KCNJ6: variants seen among roughly 807,000 people sequenced by gnomAD.
The protein encoded by KCNJ6 is potassium inwardly rectifying channel subfamily J member 6.
KCNJ6 carries 9 observed loss-of-function variants against 34.2 expected under a neutral mutation model. The observed-to-expected ratio is 0.26, with a 90% CI of 0.16 to 0.46. The LOEUF is 0.46. Among genes scored for constraint, KCNJ6 ranks in the 20% least tolerant of loss-of-function variants. The probability of loss-of-function intolerance (pLI) is 1.00; values close to 1 mark genes in which losing one functional copy is unlikely to be tolerated. For synonymous variants in KCNJ6, 196 were observed against 207.1 expected, an observed-to-expected ratio of 0.95 and a Z score of 0.46; for missense variants, 236 against 531.3, an observed-to-expected ratio of 0.44 and a Z score of 5.46.
chr21:37,772,218 G>A (rs1454742391), intron 2 of KCNJ6, among the ~76,000 whole-genome samples: 1 of 152,120 alleles, frequency 6.6e-6, no homozygotes, highest in Non-Finnish European at 1.5e-5. Flanking sequence ...GGATATTCAT[G>A]TCCTAATCTC....
chr21:37,782,412 C>G (rs548145068), intron 2 of KCNJ6, among the ~76,000 whole-genome samples: 2 of 152,234 alleles, frequency 1.3e-5, no homozygotes, highest in South Asian at 4.2e-4. Flanking sequence ...ACATAACACA[C>G]CCCCCTCCCT....
chr21:37,874,186 G>T (rs929224830), intron 1 of KCNJ6, among the ~76,000 whole-genome samples: 1 of 152,186 alleles, frequency 6.6e-6, no homozygotes, highest in Non-Finnish European at 1.5e-5. Flanking sequence ...ATCACTGGGG[G>T]AGGAGGCCTG....
intron 3 of KCNJ6, among the ~76,000 whole-genome samples, chr21:37,650,468 G>A (rs1471685317): frequency 6.6e-6 from 1 of 152,114 alleles, no homozygotes; most frequent in African/African-American, 2.4e-5. Context: ...TAACTGCCTC[G>A]CTGTGGGCTC....
At chr21:37,630,271 G>A (rs536094267) in intron 3 of KCNJ6, among the ~76,000 whole-genome samples, 1 of 152,122 alleles carries the variant, frequency 6.6e-6, no homozygotes, top group Admixed American at 6.5e-5. Flanking sequence ...AGAGCAAAAC[G>A]TGGAAAACCT....
rs946570062 is a variant in KCNJ6 at position 37,607,884 on chromosome 21, C to T, written c.*17275G>A. 4 of 152,144 alleles carry T rather than the reference C, an allele frequency of 2.6e-5. No individual in the cohort carries two copies. The highest frequency in any genetic ancestry group is 9.7e-5 in the African/African-American group (4 of 41,426). The allele number at this position is 152,144 out of a possible 1,614,324, so 9.4% of individuals were successfully genotyped here. A position where few individuals can be genotyped will look rare whatever the true frequency, so the allele number is the denominator to read the frequency against. ...TATATTTCTTAATATCCCTAAGTCC[C>T]TTCTAAAATAAACTCTTGTTTTGTG... On this transcript the variant is annotated 3_prime_UTR_variant, in exon 4 of 4. Coordinates refer to ENST00000609713, the MANE Select transcript of KCNJ6 (RefSeq NM_002240.5).
intron 2 of KCNJ6, among the ~76,000 whole-genome samples, chr21:37,719,835 T>C (rs954108014): frequency 2.0e-5 from 3 of 152,210 alleles, no homozygotes; most frequent in African/African-American, 7.2e-5. Context: ...GATTGTGTTG[T>C]TGCATTTCAG....
intron 1 of KCNJ6, among the ~76,000 whole-genome samples, chr21:37,869,177 G>A (rs77871722): frequency 0.038 from 5,841 of 152,328 alleles, 163 homozygotes; most frequent in Non-Finnish European, 0.056. Context: ...TGGAGGGATA[G>A]AAGCCATGCC....
Position 37,615,415 on chromosome 21 carries a change from T to A in KCNJ6, c.*9744A>T, listed in dbSNP as rs534113914. On this transcript the variant is annotated 3_prime_UTR_variant, in exon 4 of 4. Transcript: ENST00000609713. ...CCCAGCATTCTTAAGCAGTACCATG[T>A]CCAGAATTTCTCCAGGGTTTGTGTT... The A allele has an allele frequency of 6.6e-6, 1 of 152,370 alleles. No homozygotes were observed. The highest frequency in any genetic ancestry group is 6.5e-5 in the Admixed American group (1 of 15,302). 9.4% of individuals were successfully genotyped at this position (152,370 alleles called of 1,614,324 possible). A position where few individuals can be genotyped will look rare whatever the true frequency, so the allele number is the denominator to read the frequency against.
intron 1 of KCNJ6, among the ~76,000 whole-genome samples, chr21:37,854,430 C>T (rs193240575): frequency 8.7e-4 from 133 of 152,108 alleles, no homozygotes; most frequent in Non-Finnish European, 1.7e-3. Flanking sequence ...CTCACTCATA[C>T]TTGAGAGCTA....
rs931775352 is a variant in KCNJ6, at chr21:37,808,353, A to C, written c.25+32305T>G. 2.0e-4 allele frequency among the ~76,000 whole-genome samples: 30 copies of C among 152,324 alleles called. 1 individual carries two copies. The highest frequency in any genetic ancestry group is 1.8e-3 in the Admixed American group (28 of 15,304). On this transcript the variant is annotated intron_variant, in intron 2 of 3. Transcript: ENST00000609713. ...CTGAGAAATGGAGCTAAAGAATCAT[A>C]ATCTGCCTTAAATAAAAGTCACAGG... is the stretch of plus-strand genomic sequence containing the variant.
chr21:37,870,687 C>T (rs1475422189), intron 1 of KCNJ6, among the ~76,000 whole-genome samples: 1 of 151,882 alleles, frequency 6.6e-6, no homozygotes, highest in African/African-American at 2.4e-5. Flanking sequence ...CAATGTATGC[C>T]CAAATGGTCT....
At chr21:37,643,116 A>C (rs1311515811) in intron 3 of KCNJ6, among the ~76,000 whole-genome samples, 1 of 152,186 alleles carries the variant, frequency 6.6e-6, no homozygotes, top group Non-Finnish European at 1.5e-5. Context: ...GACAACAGGC[A>C]TATAGTTGGG....
intron 1 of KCNJ6, among the ~76,000 whole-genome samples, chr21:37,851,853 G>A (rs2055539256): frequency 6.6e-6 from 1 of 151,786 alleles, no homozygotes; most frequent in Non-Finnish European, 1.5e-5. Flanking sequence ...TACCAGCTAG[G>A]GACCTTGATA....
chr21:37,864,543 CA>C (rs1211303227), intron 1 of KCNJ6, among the ~76,000 whole-genome samples: 2 of 152,152 alleles, frequency 1.3e-5, no homozygotes, highest in Non-Finnish European at 2.9e-5. Context: ...AACTAGACAA[CA>C]AGTTACCCAG....
intron 3 of KCNJ6, among the ~76,000 whole-genome samples, chr21:37,686,800 G>A (rs2123424123): frequency 6.6e-6 from 1 of 152,128 alleles, no homozygotes; most frequent in Admixed American, 6.5e-5. Context: ...CACGGGTGGA[G>A]ACAGGGACCT....
At chr21:37,839,126 G>T (rs541205469) in intron 2 of KCNJ6, among the ~76,000 whole-genome samples, 1 of 152,240 alleles carries the variant, frequency 6.6e-6, no homozygotes, top group East Asian at 1.9e-4. Flanking sequence ...CCCAGTCTCG[G>T]GTAATTCTTT....
chr21:37,654,414 T>TAAA (rs60672862), intron 3 of KCNJ6, among the ~76,000 whole-genome samples: 56 of 145,566 alleles, frequency 3.8e-4, no homozygotes, highest in South Asian at 6.6e-4. Context: ...TGACATTTGG[T>TAAA]AAAAAAAAAA....
chr21:37,651,227 A>G (rs2054431783), intron 3 of KCNJ6, among the ~76,000 whole-genome samples: 1 of 152,156 alleles, frequency 6.6e-6, no homozygotes, highest in Admixed American at 6.5e-5. Context: ...GGACTGAAGG[A>G]GCAGTGACTG....
intron 2 of KCNJ6, among the ~76,000 whole-genome samples, chr21:37,762,334 A>G (rs967348506): frequency 1.8e-4 from 28 of 152,200 alleles, no homozygotes; most frequent in Admixed American, 1.6e-3. Context: ...CATGGAGAGC[A>G]GCTCATCTAA....
Sources: gnomAD v4.1 joint callset for allele counts (sites outside exome capture counted in the v4.1 genomes callset) on GRCh38, gnomAD v4.1.1 for gene constraint, MANE v1.5 for transcripts, NCBI Gene and HGNC (gene_info 2026-07-23, HGNC 2026-07-21) for gene names.